The following HYDIN variants were observed in gnomAD, a reference collection of about 807,000 sequenced individuals.
The protein encoded by HYDIN is axonemal central pair apparatus protein HYDIN.
Under a neutral mutation model 403.9 loss-of-function variants are expected in HYDIN, and 132 were observed. The ratio of observed to expected loss-of-function variants is 0.33; its 90% CI spans 0.28 to 0.38. HYDIN has a LOEUF of 0.38. Ranked by LOEUF, HYDIN falls within the 10% of genes least tolerant of loss-of-function variation. The pLI is 1.00. For missense variants in HYDIN, 2,827 were observed against 5,009.5 expected, an observed-to-expected ratio of 0.56 and a Z score of 13.15; for synonymous variants, 1,202 against 1,891.7, an observed-to-expected ratio of 0.64 and a Z score of 9.46.
intron 21 of HYDIN, among the ~76,000 whole-genome samples, chr16:71,025,066 C>T (rs915028771): frequency 1.3e-5 from 2 of 152,180 alleles, no homozygotes; most frequent in Admixed American, 1.3e-4. Flanking sequence ...AATCCTTCCT[C>T]TGCCTTGGGT....
chr16:71,142,412 T>C (rs2085208135), intron 7 of HYDIN, among the ~76,000 whole-genome samples: 1 of 40,136 alleles, frequency 2.5e-5, no homozygotes. Context: ...GAGACTAATG[T>C]CATTAATTTG....
At position 70,896,166 on chromosome 16, in the gene HYDIN, G is replaced by A. The variant is rs143963122; in HGVS notation, c.9049-86C>T. 12,187 of 1,527,776 alleles carry A rather than the reference G, an allele frequency of 8.0e-3. 756 individuals carry two copies. In the African/African-American group the frequency reaches 0.14, roughly 17 times the overall value. 94.6% of individuals were successfully genotyped at this position (1,527,776 alleles called of 1,614,324 possible). A position where few individuals can be genotyped will look rare whatever the true frequency, so the allele number is the denominator to read the frequency against. The stretch of plus-strand genomic sequence containing the variant: ...ACATGTAATATCCTAACGGGGATAC[G>A]GCAGGGAACGTTTTGAAGTGTATTC... On this transcript the variant is annotated intron_variant, in intron 53 of 85. Transcript: ENST00000393567.
intron 41 of HYDIN, among the ~76,000 whole-genome samples, chr16:70,951,564 G>A (rs569121682): frequency 4.2e-4 from 64 of 151,834 alleles, no homozygotes; most frequent in Non-Finnish European, 6.9e-4. Context: ...CCTTAGCTGT[G>A]TCTGTTTTTT....
chr16:70,996,075 C>T (rs1597495189), intron 23 of HYDIN, among the ~76,000 whole-genome samples: 1 of 150,400 alleles, frequency 6.6e-6, no homozygotes, highest in African/African-American at 2.5e-5. Context: ...GCTATGAGAG[C>T]CCAGCCTCCT....
At chr16:71,215,501 G>A (rs182869531) in intron 1 of HYDIN, among the ~76,000 whole-genome samples, 3 of 152,016 alleles carry the variant, frequency 2.0e-5, no homozygotes, top group Admixed American at 2.0e-4. Context: ...GTGAAATCTT[G>A]ATGGGGAACA....
chr16:70,902,812 TATATATA>T (rs2076421673), intron 52 of HYDIN, among the ~76,000 whole-genome samples: 1 of 29,422 alleles, frequency 3.4e-5, no homozygotes, highest in African/African-American at 1.4e-4. Flanking sequence ...TATATATATA[TATATATA>T]TATTTTTTTT....
At chr16:71,162,508 A>T in intron 6 of HYDIN, 23 bp downstream of exon 6, 1 of 1,566,686 alleles carries the variant, frequency 6.4e-7, no homozygotes, top group Non-Finnish European at 8.8e-7. Flanking sequence ...TCAATCAAAG[A>T]CAAGAGCTAA....
chr16:71,198,115 T>C (rs983000640), intron 1 of HYDIN, among the ~76,000 whole-genome samples: 2 of 152,258 alleles, frequency 1.3e-5, no homozygotes, highest in Non-Finnish European at 2.9e-5. Context: ...TTTTAATATC[T>C]AGATGAATGG....
At chr16:70,812,841 G>A (rs935851959) in intron 84 of HYDIN, among the ~76,000 whole-genome samples, 6 of 152,142 alleles carry the variant, frequency 3.9e-5, no homozygotes, top group African/African-American at 1.2e-4. Context: ...TCCCAGCCTC[G>A]TGTAGTCTTC....
intron 41 of HYDIN, among the ~76,000 whole-genome samples, chr16:70,951,784 AT>A (rs998594468): frequency 3.8e-5 from 4 of 104,776 alleles, no homozygotes; most frequent in African/African-American, 1.5e-4. Flanking sequence ...CTACTCTCTC[AT>A]TTTTTTCCCT....
intron 4 of HYDIN, 127 bp from the exon 5 acceptor site, chr16:71,175,868 T>C (rs756359848): frequency 2.1e-5 from 18 of 858,680 alleles, no homozygotes; most frequent in Non-Finnish European, 3.1e-5. Context: ...TCTTCTCAAC[T>C]ATAAAAGGAG....
At chr16:70,978,412 G>A (rs1416165528) in intron 30 of HYDIN, among the ~76,000 whole-genome samples, 5 of 150,156 alleles carry the variant, frequency 3.3e-5, no homozygotes, top group Non-Finnish European at 1.5e-5. Flanking sequence ...TGTTGTCCAG[G>A]CTGGTCTCAA....
intron 20 of HYDIN, among the ~76,000 whole-genome samples, chr16:71,026,192 G>T (rs1431899689): frequency 3.3e-5 from 5 of 152,288 alleles, no homozygotes; most frequent in Admixed American, 6.5e-5. Context: ...GAGCCACCGT[G>T]CCCGGCCAAA....
intron 45 of HYDIN, among the ~76,000 whole-genome samples, chr16:70,931,162 A>AT (rs1221966743): frequency 4.1e-5 from 6 of 146,802 alleles, no homozygotes; most frequent in Non-Finnish European, 9.1e-5. Flanking sequence ...GAGCAAATAA[A>AT]TTTTTTTTAA....
chr16:71,178,575 G>A (rs1226382144), intron 4 of HYDIN, among the ~76,000 whole-genome samples: 1 of 151,148 alleles, frequency 6.6e-6, no homozygotes, highest in Non-Finnish European at 1.5e-5. Context: ...ATGTCTCTAA[G>A]GAAGACTACA....
chr16:70,897,749 T>C (rs868223411), intron 53 of HYDIN, among the ~76,000 whole-genome samples: 7 of 152,066 alleles, frequency 4.6e-5, no homozygotes, highest in African/African-American at 1.7e-4. Context: ...TTTCCTTCTG[T>C]GGATGTGGAA....
At position 71,039,937 on chromosome 16, in the gene HYDIN, G is replaced by T. The variant is rs549724540; in HGVS notation, c.2530-8020C>A. Reference sequence around the variant, plus strand: ...GCCCACTGAGCTGTTAACACCTAAGGTGTCCACAGACGGCAGAGCTGAAAC... The same window carrying T: ...GCCCACTGAGCTGTTAACACCTAAGTTGTCCACAGACGGCAGAGCTGAAAC... On this transcript the variant is annotated intron_variant, in intron 18 of 85. Transcript: ENST00000393567. 9.2e-5 allele frequency among the ~76,000 whole-genome samples: 14 copies of T among 152,328 alleles called. No individual in the cohort carries two copies. In the South Asian group the frequency reaches 2.9e-3, roughly 32 times the overall value.
intron 1 of HYDIN, among the ~76,000 whole-genome samples, chr16:71,224,612 A>G (rs1396812746): frequency 2.4e-5 from 3 of 124,978 alleles, no homozygotes; most frequent in Non-Finnish European, 3.1e-5. Context: ...CCCAGGCTGG[A>G]GTGCAGTGGC....
intron 45 of HYDIN, among the ~76,000 whole-genome samples, chr16:70,932,179 A>G (rs1245321703): frequency 2.0e-5 from 3 of 146,672 alleles, no homozygotes; most frequent in African/African-American, 7.4e-5. Flanking sequence ...ACATGGTGAA[A>G]GCCTGTCTCT....
Sources: allele counts gnomAD v4.1 joint callset (sites outside exome capture counted in the v4.1 genomes callset), GRCh38; gene constraint gnomAD v4.1.1; transcripts MANE v1.5; gene names NCBI Gene and HGNC (gene_info 2026-07-23, HGNC 2026-07-21).